The following POLR3C variants were observed in gnomAD, a reference collection of about 807,000 sequenced individuals.
POLR3C encodes RNA polymerase III subunit C.
POLR3C carries 44 observed loss-of-function variants against 65.9 expected under a neutral mutation model. That is an observed-to-expected ratio of 0.67 (90% CI 0.52 to 0.86). The LOEUF is 0.86. Among genes scored for constraint, POLR3C ranks in the 40% least tolerant of loss-of-function variants. POLR3C has a pLI of 0.00. For missense variants in POLR3C, 576 were observed against 653.2 expected, an observed-to-expected ratio of 0.88 and a Z score of 1.29; for synonymous variants, 263 against 231.6, an observed-to-expected ratio of 1.14 and a Z score of -1.23.
In POLR3C at chr1:145,833,316, C is replaced by T. The variant is rs1553727698; in HGVS notation, c.735C>T (p.His245=). 1 of 1,613,814 alleles carries T rather than the reference C, an allele frequency of 6.2e-7. No individual in the cohort carries two copies. The highest frequency in any genetic ancestry group is 1.7e-5 in the Admixed American group (1 of 60,010). ...WQANLDRFHQ[H]FRDQAIVSAV... ...CCAACCTTGACAGATTCCACCAACA[C>T]TTCCGTGACCAAGCCATTGTGAGCG... The change falls in exon 6 of 15, where the codon CAC becomes CAT. Residue 245 remains histidine, a synonymous_variant. Coordinates refer to ENST00000334163, the MANE Select transcript of POLR3C (RefSeq NM_006468.8).
rs1651997618 is a variant in POLR3C at position 145,838,093 on chromosome 1, T to G, written c.1108T>G (p.Leu370Val). 2 of 1,614,062 alleles carry G rather than the reference T, an allele frequency of 1.2e-6. No homozygotes were observed. Among genetic ancestry groups the G allele is most frequent in the East Asian group, 2.2e-5 (1 of 44,904 alleles). ...SRCARIFRLV[L>V]QKKHIEQKQV... ...CTGTGCTAGAATATTCCGTCTAGTT[T>G]TGCAGAAGAAACACATAGAGCAGAA... The change falls in exon 11 of 15, where the codon TTG becomes GTG. Residue 370 changes from leucine (L) to valine (V), a missense_variant. Coordinates refer to ENST00000334163, the MANE Select transcript of POLR3C (RefSeq NM_006468.8).
At chr1:145,837,141 C>T (rs781983536) in intron 9 of POLR3C, among the ~76,000 whole-genome samples, 5 of 152,054 alleles carry the variant, frequency 3.3e-5, no homozygotes, top group Non-Finnish European at 7.3e-5. Flanking sequence ...AACCCCATCT[C>T]TACCAAAAAT....
At chr1:145,824,416 G>C (rs1306686544) in intron 1 of POLR3C, 47 bp downstream of exon 1, 3 of 555,040 alleles carry the variant, frequency 5.4e-6, no homozygotes, top group African/African-American at 3.9e-5. Flanking sequence ...ACTGGACCAA[G>C]AGACCACGTC....
At chr1:145,835,359 C>T (rs1360291392) in intron 7 of POLR3C, among the ~76,000 whole-genome samples, 3 of 150,356 alleles carry the variant, frequency 2.0e-5, no homozygotes, top group African/African-American at 4.9e-5. Flanking sequence ...GCAGGAGAAT[C>T]GCTTGAACCC....
Position 145,826,932 on chromosome 1 carries a change from GC to G in POLR3C, c.518del (p.Pro173HisfsTer23). The G allele has an allele frequency of 7.4e-6, 12 of 1,613,350 alleles. No homozygotes were observed. The highest frequency in any genetic ancestry group is 1.0e-5 in the Non-Finnish European group (12 of 1,179,798). ...VPTTENSDPG[P>X]PPPAPTLVIN... ...CTACCACTGAGAATTCAGACCCTGG[GC>G]CACCACCACCTGCCCCCACACTTGT... On this transcript the variant is annotated frameshift_variant, in exon 4 of 15. Transcript: ENST00000334163. LOFTEE classifies it high-confidence loss of function.
At chr1:145,833,216 A>G (rs1553727596) in intron 5 of POLR3C, 44 bp from the exon 6 acceptor site, 2 of 1,170,378 alleles carry the variant, frequency 1.7e-6, no homozygotes, top group East Asian at 4.7e-5. Flanking sequence ...CTCACCAGAA[A>G]ACTTTACACT....
At chr1:145,825,239 G>C (rs1484389018) in intron 1 of POLR3C, among the ~76,000 whole-genome samples, 3 of 151,942 alleles carry the variant, frequency 2.0e-5, no homozygotes, top group African/African-American at 7.3e-5. Flanking sequence ...CTCCCTAGTA[G>C]CTGGGATTAC....
At chr1:145,833,777 A>G (rs782379186) in intron 7 of POLR3C, among the ~76,000 whole-genome samples, 195 bp downstream of exon 7, 20 of 152,166 alleles carry the variant, frequency 1.3e-4, no homozygotes, top group Non-Finnish European at 2.5e-4. Flanking sequence ...AAAAATCTAC[A>G]CTATTCACTT....
chr1:145,833,310 CCAACACTTCCGTGACCAAGCCA>C lies in POLR3C; in HGVS notation c.730_751del (p.Gln244LeufsTer2). 1.9e-6 allele frequency: 3 copies of C among 1,613,818 alleles called. No homozygotes were observed. The highest frequency in any genetic ancestry group is 2.2e-5 in the East Asian group (1 of 44,884). On this transcript the variant is annotated frameshift_variant, in exon 6 of 15. Transcript: ENST00000334163. LOFTEE classifies it high-confidence loss of function. ...GGCAGGCCAACCTTGACAGATTCCA[CCAACACTTCCGTGACCAAGCCA>C]TTGTGAGCGCAGTTGCTAACAGGAT...
At position 145,843,729 on chromosome 1, in the gene POLR3C, CAG is replaced by C. The variant is rs1313345251; in HGVS notation, c.*1314_*1315del. ...AAAGGGTCAGGCAGGGAAGGGAACA[CAG>C]AGAGTGACAATGTATAGTTTGAAAG... On this transcript the variant is annotated 3_prime_UTR_variant, in exon 15 of 15. Transcript: ENST00000334163. Among the ~76,000 whole-genome samples the C allele has an allele frequency of 2.0e-5, 3 of 152,138 alleles. No homozygotes were observed. Among genetic ancestry groups the C allele is most frequent in the African/African-American group, 4.8e-5 (2 of 41,420 alleles).
Position 145,838,693 on chromosome 1 carries a change from C to CA in POLR3C, c.1221+495dup, listed in dbSNP as rs201283866. On this transcript the variant is annotated intron_variant, in intron 11 of 14. Coordinates refer to ENST00000334163, the MANE Select transcript of POLR3C (RefSeq NM_006468.8). ...CAGAGTGAGACTCTGTCTCAAAAAA[C>CA]AAAAAAAACAAAAAACAAAAAAGAG... is the stretch of plus-strand genomic sequence containing the variant. 1.4e-3 allele frequency among the ~76,000 whole-genome samples: 211 copies of CA among 151,122 alleles called. 1 individual carries two copies. Among genetic ancestry groups the CA allele is most frequent in the Admixed American group, 9.5e-3 (144 of 15,214 alleles).
chr1:145,828,753 A>T lies in POLR3C; in HGVS notation c.594A>T (p.Lys198Asn), dbSNP rs1651040757. The T allele has an allele frequency of 1.2e-6, 2 of 1,602,790 alleles. No homozygotes were observed. ...YLVPKLSLIG[K>N]GKRRRSSDED... ...GTTTAATTGTTTGTTTGGCAGGGAA[A>T]GGTAAAAGGAGGAGATCATCTGATG... The change falls in exon 5 of 15, where the codon AAA becomes AAT. Residue 198 changes from lysine to asparagine, a missense_variant. Lys to Asn is a moderately conservative substitution (Grantham distance 94). Transcript: ENST00000334163.
At chr1:145,833,194 A>G in intron 5 of POLR3C, 66 bp from the exon 6 acceptor site, 1 of 890,342 alleles carries the variant, frequency 1.1e-6, no homozygotes, top group South Asian at 1.6e-5. Flanking sequence ...GTGAACCATT[A>G]AATCCAAGCT....
chr1:145,826,723 C>A lies in POLR3C; in HGVS notation c.403+14C>A. On this transcript the variant is annotated intron_variant, in intron 3 of 14. Transcript: ENST00000334163. ...AGACCATGGAGGGTCAGTATGGTAT[C>A]CATAGCTGTTAACAAAAGCATAGAT... is the stretch of plus-strand genomic sequence containing the variant. The A allele has an allele frequency of 6.2e-7, 1 of 1,613,748 alleles. No homozygotes were observed. Among genetic ancestry groups the A allele is most frequent in the South Asian group, 1.1e-5 (1 of 91,052 alleles).
chr1:145,826,083 A>T (rs1189419072), intron 2 of POLR3C, among the ~76,000 whole-genome samples, 160 bp downstream of exon 2: 2 of 152,246 alleles, frequency 1.3e-5, no homozygotes, highest in Non-Finnish European at 2.9e-5. Flanking sequence ...AGACTTAGAC[A>T]TCAACATTTT....
chr1:145,826,414 C>T, intron 2 of POLR3C, 40 bp from the exon 3 acceptor site: 1 of 1,600,238 alleles, frequency 6.2e-7, no homozygotes, highest in South Asian at 1.1e-5. Context: ...GCTATATCTT[C>T]AGGTCTTTCC....
chr1:145,825,441 T>C (rs1650650443), intron 1 of POLR3C, among the ~76,000 whole-genome samples: 1 of 152,172 alleles, frequency 6.6e-6, no homozygotes, highest in South Asian at 2.1e-4. Context: ...TGAATACGCA[T>C]CGTACTAAAT....
rs372549720 is a variant in POLR3C, at chr1:145,833,890, CT to C, written c.876+309del. 1.3e-3 allele frequency among the ~76,000 whole-genome samples: 196 copies of C among 152,260 alleles called. 4 individuals are homozygous for C. In the South Asian group the frequency reaches 0.038, roughly 29 times the overall value. On this transcript the variant is annotated intron_variant, in intron 7 of 14. Coordinates refer to ENST00000334163, the MANE Select transcript of POLR3C (RefSeq NM_006468.8). ...GGCATTCAGGACATTATTTGACCCC[CT>C]GTACTTAAAATATCGATATTTAATA...
intron 1 of POLR3C, chr1:145,824,656 G>A (rs1202667973): frequency 1.4e-5 from 8 of 568,204 alleles, no homozygotes; most frequent in Non-Finnish European, 2.1e-5. Flanking sequence ...TAATAAGGAA[G>A]TAATCATAAA....
Sources: gnomAD v4.1 joint callset for allele counts (sites outside exome capture counted in the v4.1 genomes callset) on GRCh38, gnomAD v4.1.1 for gene constraint, MANE v1.5 for transcripts, NCBI Gene and HGNC (gene_info 2026-07-23, HGNC 2026-07-21) for gene names.